Variants in LCMT1 observed in about 807,000 individuals in gnomAD.
LCMT1 encodes [Phosphatase 2A protein]-leucine-carboxy methyltransferase 1.
In LCMT1, 32 loss-of-function variants were observed where a neutral mutation model predicts 47.7. That is an observed-to-expected ratio of 0.67 (90% CI 0.51 to 0.90). The LOEUF (loss-of-function observed/expected upper bound fraction) is 0.90. Ranked by LOEUF, LCMT1 falls within the 40% of genes least tolerant of loss-of-function variation. The pLI, the probability that LCMT1 is intolerant of heterozygous loss-of-function variation, is 0.00. For missense variants in LCMT1, 375 were observed against 415.2 expected (o/e 0.90, Z 0.84); for synonymous variants, 152 against 149.7 (o/e 1.02, Z -0.11).
chr16:25,114,421 A>G (rs372063257), intron 1 of LCMT1, among the ~76,000 whole-genome samples: 7 of 152,166 alleles, frequency 4.6e-5, no homozygotes, highest in Non-Finnish European at 7.3e-5. Context: ...GACTTGTGGT[A>G]TCAGAAGTTT....
intron 6 of LCMT1, among the ~76,000 whole-genome samples, chr16:25,163,770 T>A (rs927177428): frequency 1.3e-5 from 2 of 152,208 alleles, no homozygotes; most frequent in African/African-American, 4.8e-5. Flanking sequence ...CCCTGAAACA[T>A]CATACTTATG....
chr16:25,151,176 G>T (rs2141681702), intron 4 of LCMT1, among the ~76,000 whole-genome samples: 1 of 152,294 alleles, frequency 6.6e-6, no homozygotes, highest in South Asian at 2.1e-4. Context: ...ATCTTTAAAA[G>T]TTTGATTGAG....
chr16:25,161,206 T>G lies in LCMT1; in HGVS notation c.569+2T>G. 1 of 1,570,096 alleles carries G rather than the reference T, an allele frequency of 6.4e-7. No homozygotes were observed. Among genetic ancestry groups the G allele is most frequent in the Non-Finnish European group, 8.7e-7 (1 of 1,152,874 alleles). The stretch of plus-strand genomic sequence containing the variant: ...AAAGAAATGTAACATGAATACACAG[T>G]GAGATTTTTTTTTTTAAACCTCTTC... On this transcript the variant is annotated splice_donor_variant, in intron 6 of 10. Transcript: ENST00000399069. LOFTEE classifies it high-confidence loss of function.
At chr16:25,137,440 G>A (rs971465299) in intron 3 of LCMT1, among the ~76,000 whole-genome samples, 5 of 152,244 alleles carry the variant, frequency 3.3e-5, no homozygotes, top group African/African-American at 1.2e-4. Context: ...CTCCTTGGAT[G>A]GCTTTTTCTT....
At chr16:25,123,225 T>TC (rs1227800062) in intron 1 of LCMT1, among the ~76,000 whole-genome samples, 18 of 140,596 alleles carry the variant, frequency 1.3e-4, no homozygotes, top group East Asian at 8.0e-4. Flanking sequence ...TATAACTTCT[T>TC]TTTTTTTTTT....
At chr16:25,119,603 A>G (rs1390237717) in intron 1 of LCMT1, among the ~76,000 whole-genome samples, 1 of 152,158 alleles carries the variant, frequency 6.6e-6, no homozygotes, top group Non-Finnish European at 1.5e-5. Flanking sequence ...TGAAAATTAT[A>G]GAACTTAATC....
At chr16:25,175,056 G>C (rs760800359) in intron 10 of LCMT1, 22 bp downstream of exon 10, 2 of 1,354,924 alleles carry the variant, frequency 1.5e-6, no homozygotes, top group Admixed American at 1.9e-5. Context: ...TACTTTTCTT[G>C]CCTTGACCTG....
intron 2 of LCMT1, among the ~76,000 whole-genome samples, chr16:25,128,855 C>A: frequency 7.1e-6 from 1 of 140,878 alleles, no homozygotes; most frequent in Admixed American, 7.3e-5. Flanking sequence ...GGGAGTTGAA[C>A]AGTGAGAACA....
At chr16:25,127,640 C>G (rs1257748355) in intron 1 of LCMT1, among the ~76,000 whole-genome samples, 1 of 152,206 alleles carries the variant, frequency 6.6e-6, no homozygotes, top group Non-Finnish European at 1.5e-5. Flanking sequence ...GGGCATTACT[C>G]AGGGTATCAT....
intron 2 of LCMT1, among the ~76,000 whole-genome samples, chr16:25,130,683 G>A (rs151164138): frequency 2.4e-4 from 36 of 152,230 alleles, no homozygotes; most frequent in East Asian, 9.6e-4. Context: ...TTTCCTCCCC[G>A]GCTCACAGTA....
chr16:25,134,624 T>C (rs1156935877), intron 3 of LCMT1, among the ~76,000 whole-genome samples: 2 of 152,094 alleles, frequency 1.3e-5, no homozygotes, highest in Non-Finnish European at 2.9e-5. Context: ...TGAGACAGAG[T>C]CTTACTCACT....
intron 9 of LCMT1, among the ~76,000 whole-genome samples, chr16:25,172,799 T>C (rs1170540213): frequency 6.6e-6 from 1 of 152,234 alleles, no homozygotes; most frequent in African/African-American, 2.4e-5. Context: ...CCCCACAGGC[T>C]GGTTTTCATT....
chr16:25,134,143 G>A (rs1044321930), intron 3 of LCMT1, among the ~76,000 whole-genome samples: 1 of 151,616 alleles, frequency 6.6e-6, no homozygotes, highest in East Asian at 1.9e-4. Flanking sequence ...ATGGGAACGT[G>A]CATTTCTCCA....
Position 25,176,781 on chromosome 16 carries a change from C to T in LCMT1, c.983-1220C>T, listed in dbSNP as rs527669864. Among the ~76,000 whole-genome samples, 515 of 149,266 alleles carry T rather than the reference C, an allele frequency of 3.5e-3. 2 individuals carry two copies. Among genetic ancestry groups the T allele is most frequent in the Non-Finnish European group, 4.6e-3 (310 of 67,286 alleles). On this transcript the variant is annotated intron_variant, in intron 10 of 10. Coordinates refer to ENST00000399069, the MANE Select transcript of LCMT1 (RefSeq NM_016309.3). The stretch of plus-strand genomic sequence containing the variant: ...TTCACCATGTTGGCCAGGCTGGTCT[C>T]GAACTCCTGACCTTAAGTGATCTGC...
At chr16:25,147,303 A>G (rs1001982921) in intron 4 of LCMT1, 2 of 152,232 alleles carry the variant, frequency 1.3e-5, no homozygotes, top group Admixed American at 1.3e-4. Flanking sequence ...GGGAAGCAAA[A>G]GAGGGTGCCT....
rs572526695 is a variant in LCMT1, at chr16:25,156,007, A to G, written c.466+4392A>G. ...GATTTTCCCTTTGACCACAGTAACT[A>G]TGATCTAGCCACACAGATATCTTAC... On this transcript the variant is annotated intron_variant, in intron 5 of 10. Coordinates refer to ENST00000399069, the MANE Select transcript of LCMT1 (RefSeq NM_016309.3). Among the ~76,000 whole-genome samples the G allele has an allele frequency of 3.9e-5, 6 of 152,282 alleles. No homozygotes were observed. In the East Asian group the frequency reaches 1.2e-3, roughly 29 times the overall value.
intron 7 of LCMT1, 79 bp downstream of exon 7, chr16:25,164,797 C>T: frequency 1.3e-6 from 2 of 1,567,766 alleles, no homozygotes; most frequent in Non-Finnish European, 1.8e-6. Context: ...CTTAGGATAA[C>T]TTCCCTTATC....
At chr16:25,166,485 C>T (rs149124003) in intron 7 of LCMT1, among the ~76,000 whole-genome samples, 76 of 152,140 alleles carry the variant, frequency 5.0e-4, no homozygotes, top group African/African-American at 1.8e-3. Context: ...TTACTGCAGC[C>T]TCGACCGCGG....
intron 3 of LCMT1, among the ~76,000 whole-genome samples, chr16:25,134,063 T>C (rs965215159): frequency 1.3e-5 from 2 of 151,412 alleles, no homozygotes; most frequent in Non-Finnish European, 2.9e-5. Flanking sequence ...TCCTCACTAA[T>C]TGCATTTTTT....
Sources: gnomAD v4.1 joint callset for allele counts (sites outside exome capture counted in the v4.1 genomes callset) on GRCh38, gnomAD v4.1.1 for gene constraint, MANE v1.5 for transcripts, NCBI Gene and HGNC (gene_info 2026-07-23, HGNC 2026-07-21) for gene names.